Variants in PLXNA4 observed in about 807,000 individuals in gnomAD.
PLXNA4 encodes the protein plexin A4, also known as plexin-A4.
In PLXNA4, 44 loss-of-function variants were observed where a neutral mutation model predicts 191.8. That is an observed-to-expected ratio of 0.23 (90% confidence interval 0.18 to 0.29). The LOEUF is 0.29. PLXNA4 is among the 10% of genes least tolerant of loss of function. PLXNA4 has a pLI of 1.00. For synonymous variants in PLXNA4, 1,082 were observed against 1,009.5 expected (o/e 1.07, Z -1.36); for missense variants, 1,800 against 2,488.8 (o/e 0.72, Z 5.89).
At chr7:132,221,309 C>T (rs1798137161) in intron 9 of PLXNA4, among the ~76,000 whole-genome samples, 1 of 152,196 alleles carries the variant, frequency 6.6e-6, no homozygotes, top group Admixed American at 6.5e-5. Flanking sequence ...CAAAATCCAC[C>T]AGCTAGCTCA....
intron 1 of PLXNA4, among the ~76,000 whole-genome samples, chr7:132,526,902 C>T (rs77522034): frequency 0.038 from 5,708 of 152,206 alleles, 281 homozygotes; most frequent in African/African-American, 0.11. Flanking sequence ...CCCTGCCCCA[C>T]GGTGGCACAA....
At position 132,140,739 on chromosome 7, in the gene PLXNA4, G is replaced by T; in HGVS notation, c.5298C>A (p.Ile1766=). 6.2e-7 allele frequency: 1 copy of T among 1,614,088 alleles called. No individual in the cohort carries two copies. The highest frequency in any genetic ancestry group is 8.5e-7 in the Non-Finnish European group (1 of 1,180,026). Residue 1766 remains isoleucine, a synonymous_variant, in exon 30 of 32, where the codon ATC becomes ATA. Transcript: ENST00000321063. ...CCACCACAGAGAGGCAGGCGTCTGT[G>T]ATGCTGTTCTTATGGATGTCAAACA... The part of the protein sequence containing the change: ...QFVFDIHKNS[I]TDACLSVVAQ...
At chr7:132,536,547 C>T (rs1043003416) in intron 1 of PLXNA4, among the ~76,000 whole-genome samples, 2 of 152,170 alleles carry the variant, frequency 1.3e-5, no homozygotes, top group African/African-American at 4.8e-5. Context: ...CATGTGGCAC[C>T]GCCAAGCTTC....
chr7:132,615,803 G>A lies in PLXNA4; in HGVS notation c.-87+30125C>T, dbSNP rs553304409. ...GGTGCACACACACACTCATGCACATGCACACACACACACATGCATTCATTC... is the reference window on the plus strand; with the variant it reads ...GGTGCACACACACACTCATGCACATACACACACACACACATGCATTCATTC... On this transcript the variant is annotated intron_variant, in intron 2 of 4. Transcript: ENST00000378539. 7.3e-5 allele frequency among the ~76,000 whole-genome samples: 11 copies of A among 151,720 alleles called. No homozygotes were observed. In the South Asian group the frequency reaches 1.5e-3, roughly 20 times the overall value.
Position 132,557,289 on chromosome 7 carries a change from C to A in PLXNA4, c.-87+19133G>T, listed in dbSNP as rs572976360. ...TGCAAAGCAGTTAAAAGAGAAGGAACCCTCTATCACGTGCTACTGAAGTTG... is the reference window on the plus strand; with the variant it reads ...TGCAAAGCAGTTAAAAGAGAAGGAAACCTCTATCACGTGCTACTGAAGTTG... On this transcript the variant is annotated intron_variant, in intron 1 of 31. Coordinates refer to ENST00000321063, the MANE Select transcript of PLXNA4 (RefSeq NM_020911.2). Among the ~76,000 whole-genome samples, 8 of 152,298 alleles carry A rather than the reference C, an allele frequency of 5.3e-5. No homozygotes were observed. The East Asian group carries it at 1.5e-3, about 29-fold the overall frequency.
intron 1 of PLXNA4, among the ~76,000 whole-genome samples, chr7:132,647,869 TCA>T (rs1478694698): frequency 6.6e-6 from 1 of 150,758 alleles, no homozygotes; most frequent in South Asian, 2.1e-4. Context: ...ACACATACAC[TCA>T]CACACATCCA....
At chr7:132,557,541 C>G (rs199858865) in intron 1 of PLXNA4, among the ~76,000 whole-genome samples, 1 of 114,846 alleles carries the variant, frequency 8.7e-6, no homozygotes, top group African/African-American at 2.8e-5. Flanking sequence ...TTTAATTTAT[C>G]TTTTTTTTAA....
intron 25 of PLXNA4, among the ~76,000 whole-genome samples, chr7:132,158,142 C>A (rs1282622789): frequency 6.6e-6 from 1 of 152,188 alleles, no homozygotes; most frequent in Admixed American, 6.5e-5. Flanking sequence ...GGGCCAAACA[C>A]CTTCAGCCAA....
At chr7:132,422,406 G>C (rs868343392) in intron 3 of PLXNA4, among the ~76,000 whole-genome samples, 1 of 152,174 alleles carries the variant, frequency 6.6e-6, no homozygotes, top group Admixed American at 6.5e-5. Context: ...AGAGAAGCAC[G>C]GAAGGATATG....
intron 3 of PLXNA4, among the ~76,000 whole-genome samples, chr7:132,327,965 T>TC (rs1802436968): frequency 6.6e-6 from 1 of 152,112 alleles, no homozygotes; most frequent in African/African-American, 2.4e-5. Flanking sequence ...ACAGGTGAGC[T>TC]CCTCTGCATA....
In PLXNA4 at chr7:132,125,376, A is replaced by G. The variant is rs1794740252; in HGVS notation, c.*5103T>C. On this transcript the variant is annotated 3_prime_UTR_variant, in exon 32 of 32. Transcript: ENST00000321063. ...AGCCATGTGAGATGCCACCCCTAGC[A>G]TTGTCCTCATCCAGGGAATGTCCTG... The G allele has an allele frequency of 6.6e-6, 1 of 151,914 alleles. No individual in the cohort carries two copies. The allele number at this position is 151,914 out of a possible 1,614,324, so 9.4% of individuals were successfully genotyped here. A position where few individuals can be genotyped will look rare whatever the true frequency, so the allele number is the denominator to read the frequency against.
rs1237879591 is a variant in PLXNA4, at chr7:132,125,284, G to A, written c.*5195C>T. The stretch of plus-strand genomic sequence containing the variant: ...ACATAGAGAATGCCTGTAGGGTGAG[G>A]TGGCAGGAGGCGGTAGGAGAAGGAC... On this transcript the variant is annotated 3_prime_UTR_variant, in exon 32 of 32. Transcript: ENST00000321063. 6.6e-6 allele frequency: 1 copy of A among 152,254 alleles called. No individual in the cohort carries two copies. Among genetic ancestry groups the A allele is most frequent in the African/African-American group, 2.4e-5 (1 of 41,446 alleles). 9.4% of individuals were successfully genotyped at this position (152,254 alleles called of 1,614,324 possible).
chr7:132,466,943 A>G (rs563309907), intron 3 of PLXNA4, among the ~76,000 whole-genome samples: 340 of 152,244 alleles, frequency 2.2e-3, no homozygotes, highest in Non-Finnish European at 3.9e-3. Context: ...CTGCCTGACT[A>G]GAATGTTTTC....
At chr7:132,615,222 T>C (rs1803128529) in intron 2 of PLXNA4, among the ~76,000 whole-genome samples, 2 of 151,856 alleles carry the variant, frequency 1.3e-5, no homozygotes, top group South Asian at 4.2e-4. Context: ...GGAGGGGGGT[T>C]CGGGAGATGG....
intron 14 of PLXNA4, among the ~76,000 whole-genome samples, chr7:132,189,783 T>C (rs780807379): frequency 6.6e-6 from 1 of 152,116 alleles, no homozygotes; most frequent in Non-Finnish European, 1.5e-5. Flanking sequence ...CGGAGACTCA[T>C]GGGGACCTCT....
chr7:132,499,158 A>T (rs1472410980), intron 2 of PLXNA4, among the ~76,000 whole-genome samples: 1 of 152,254 alleles, frequency 6.6e-6, no homozygotes, highest in Non-Finnish European at 1.5e-5. Context: ...TGCTGAGCAT[A>T]GCAGCCAAAG....
intron 4 of PLXNA4, among the ~76,000 whole-genome samples, chr7:132,280,558 C>T (rs995647314): frequency 2.6e-5 from 4 of 152,162 alleles, no homozygotes; most frequent in Non-Finnish European, 5.9e-5. Context: ...TCTGTCAGCA[C>T]CATCTCAAAT....
intron 3 of PLXNA4, among the ~76,000 whole-genome samples, chr7:132,386,995 G>A (rs1805177241): frequency 6.6e-6 from 1 of 152,236 alleles, no homozygotes; most frequent in Non-Finnish European, 1.5e-5. Flanking sequence ...ACTTGAAGCT[G>A]CAAAATACAA....
chr7:132,514,453 C>G (rs1472949546), intron 1 of PLXNA4, among the ~76,000 whole-genome samples: 2 of 152,122 alleles, frequency 1.3e-5, no homozygotes, highest in Admixed American at 6.5e-5. Context: ...TTTTATTTGT[C>G]AACTTGGCTG....
Sources: allele counts gnomAD v4.1 joint callset (sites outside exome capture counted in the v4.1 genomes callset), GRCh38; gene constraint gnomAD v4.1.1; transcripts MANE v1.5; gene names NCBI Gene and HGNC (gene_info 2026-07-23, HGNC 2026-07-21).